Variants in LRRC28 observed in about 807,000 individuals in gnomAD.
LRRC28 encodes the protein leucine rich repeat containing 28, also known as leucine-rich repeat-containing protein 28.
A neutral mutation model predicts 45.7 loss-of-function variants in LRRC28; 39 were observed. The observed-to-expected ratio is 0.85, with a 90% CI of 0.66 to 1.12. The LOEUF is 1.12. Among genes scored for constraint, LRRC28 ranks in the 50% most tolerant of loss-of-function variants. The pLI is 0.00. For missense variants in LRRC28, 435 were observed against 438.5 expected, an observed-to-expected ratio of 0.99 and a Z score of 0.07; for synonymous variants, 206 against 178.8, an observed-to-expected ratio of 1.15 and a Z score of -1.22.
intron 5 of LRRC28, 61 bp downstream of exon 5, chr15:99,288,012 C>T (rs2082004998): frequency 6.9e-7 from 1 of 1,454,596 alleles, no homozygotes; most frequent in Non-Finnish European, 9.2e-7. Context: ...ATTCATATTT[C>T]TCACTCTATG....
intron 5 of LRRC28, among the ~76,000 whole-genome samples, chr15:99,294,731 C>A (rs1214914002): frequency 6.6e-6 from 1 of 152,208 alleles, no homozygotes; most frequent in African/African-American, 2.4e-5. Context: ...AAGGCCCCAC[C>A]TCCTGAGACC....
intron 1 of LRRC28, among the ~76,000 whole-genome samples, chr15:99,255,077 C>G (rs550731576): frequency 2.4e-4 from 37 of 152,246 alleles, no homozygotes; most frequent in African/African-American, 8.4e-4. Context: ...AACAAAGAGG[C>G]GAGGCATCGT....
rs950743276 is a variant in LRRC28 at position 99,387,104 on chromosome 15, A to T, written c.*1002A>T. ...GAGACGGAGTCTCGCTCTGTCGCCC[A>T]GGCTGGAGTGCAGTGGCGGGATCTC... On this transcript the variant is annotated 3_prime_UTR_variant, in exon 10 of 10. Coordinates refer to ENST00000301981, the MANE Select transcript of LRRC28 (RefSeq NM_144598.5). The T allele has an allele frequency of 1.3e-5, 2 of 151,724 alleles. No homozygotes were observed. The highest frequency in any genetic ancestry group is 4.2e-4 in the South Asian group (2 of 4,768). 9.4% of individuals were successfully genotyped at this position (151,724 alleles called of 1,614,324 possible).
chr15:99,338,152 G>A (rs528565724), intron 6 of LRRC28: 1 of 152,206 alleles, frequency 6.6e-6, no homozygotes, highest in Non-Finnish European at 1.5e-5. Context: ...AACTGAAGCT[G>A]ACCAAAATAG....
intron 9 of LRRC28, among the ~76,000 whole-genome samples, chr15:99,376,297 C>T (rs1283363913): frequency 6.6e-6 from 1 of 151,968 alleles, no homozygotes; most frequent in Non-Finnish European, 1.5e-5. Flanking sequence ...TTCCTCTTGT[C>T]TTTTTGTTAT....
chr15:99,259,923 A>G (rs11547718), intron 2 of LRRC28: 1 of 697,898 alleles, frequency 1.4e-6, no homozygotes, highest in Non-Finnish European at 2.7e-6. Context: ...ACAGCAGAAG[A>G]CAAAGAGCAA....
At chr15:99,315,309 T>C (rs565627767) in intron 5 of LRRC28, among the ~76,000 whole-genome samples, 8 of 152,142 alleles carry the variant, frequency 5.3e-5, no homozygotes, top group Admixed American at 1.3e-4. Context: ...GTTTAGATAG[T>C]GTCATTGTTT....
intron 9 of LRRC28, among the ~76,000 whole-genome samples, chr15:99,365,749 C>G (rs911562424): frequency 6.6e-6 from 1 of 152,160 alleles, no homozygotes; most frequent in African/African-American, 2.4e-5. Flanking sequence ...GAATATTCTT[C>G]TAAAATACCA....
At chr15:99,282,429 G>T (rs1376475262) in intron 3 of LRRC28, among the ~76,000 whole-genome samples, 1 of 152,012 alleles carries the variant, frequency 6.6e-6, no homozygotes, top group Non-Finnish European at 1.5e-5. Flanking sequence ...GAAAATAATT[G>T]TTTCATGTAC....
At chr15:99,380,013 G>C (rs1208069079) in intron 9 of LRRC28, among the ~76,000 whole-genome samples, 4 of 150,810 alleles carry the variant, frequency 2.7e-5, no homozygotes, top group Non-Finnish European at 6.0e-5. Flanking sequence ...AGAATGTATA[G>C]TTGATTTGGG....
chr15:99,296,350 C>CA (rs2082262409), intron 5 of LRRC28, among the ~76,000 whole-genome samples: 1 of 152,200 alleles, frequency 6.6e-6, no homozygotes, highest in Non-Finnish European at 1.5e-5. Context: ...AAGCAGCTCT[C>CA]ATTTTGAATC....
chr15:99,293,628 A>AAAAAAAAAAAAAAAAAAAAAAAC (rs1567635396), intron 5 of LRRC28, among the ~76,000 whole-genome samples: 1 of 142,166 alleles, frequency 7.0e-6, no homozygotes, highest in Admixed American at 7.1e-5. Flanking sequence ...AAAAAAAAAA[A>AAAAAAAAAAAAAAAAAAAAAAAC]AAAAACCTAA....
At chr15:99,359,169 TAAG>T (rs1957130288) in intron 7 of LRRC28, among the ~76,000 whole-genome samples, 1 of 152,082 alleles carries the variant, frequency 6.6e-6, no homozygotes, top group Non-Finnish European at 1.5e-5. Context: ...GTAACCCTCT[TAAG>T]AAATTCAGAA....
rs775806601 is a variant in LRRC28, at chr15:99,306,569, T to A, written c.385+18618T>A. Among the ~76,000 whole-genome samples the A allele has an allele frequency of 1.4e-4, 21 of 152,248 alleles. 2 individuals are homozygous for A. The highest frequency in any genetic ancestry group is 2.9e-5 in the Non-Finnish European group (2 of 68,044). Reference sequence around the variant, plus strand: ...GTTAAGTAATGTATGAAAATTATTGTTAATTTTGTTAAATTCTTTTATGTA... The same window carrying A: ...GTTAAGTAATGTATGAAAATTATTGATAATTTTGTTAAATTCTTTTATGTA... On this transcript the variant is annotated intron_variant, in intron 5 of 9. Coordinates refer to ENST00000301981, the MANE Select transcript of LRRC28 (RefSeq NM_144598.5).
At chr15:99,345,132 T>C (rs1370213753) in intron 6 of LRRC28, among the ~76,000 whole-genome samples, 4 of 152,052 alleles carry the variant, frequency 2.6e-5, no homozygotes, top group African/African-American at 9.7e-5. Context: ...ATTTTCCCCA[T>C]TATACAGATG....
At chr15:99,354,556 A>C (rs954095857) in intron 7 of LRRC28, among the ~76,000 whole-genome samples, 1 of 152,184 alleles carries the variant, frequency 6.6e-6, no homozygotes, top group East Asian at 1.9e-4. Context: ...GATTCAGAAC[A>C]CGAATTTTGG....
chr15:99,347,570 G>A (rs1405912833), intron 6 of LRRC28, among the ~76,000 whole-genome samples: 1 of 152,178 alleles, frequency 6.6e-6, no homozygotes, highest in African/African-American at 2.4e-5. Context: ...ATTTCACTTA[G>A]TATAATGTCT....
chr15:99,336,029 C>T (rs1296149628), intron 6 of LRRC28, among the ~76,000 whole-genome samples: 1 of 151,874 alleles, frequency 6.6e-6, no homozygotes, highest in African/African-American at 2.4e-5. Flanking sequence ...TCTGGGGTCG[C>T]CTATACTACT....
intron 2 of LRRC28, chr15:99,258,533 A>G (rs1178618665): frequency 2.7e-6 from 2 of 746,208 alleles, no homozygotes; most frequent in Non-Finnish European, 4.9e-6. Flanking sequence ...AGAAAGAAGA[A>G]TCTTATGATG....
Sources: gnomAD v4.1 joint callset for allele counts (sites outside exome capture counted in the v4.1 genomes callset) on GRCh38, gnomAD v4.1.1 for gene constraint, MANE v1.5 for transcripts, NCBI Gene and HGNC (gene_info 2026-07-23, HGNC 2026-07-21) for gene names.